SCYL3: variants seen among roughly 807,000 people sequenced by gnomAD.
SCYL3 encodes the protein protein-associating with the carboxyl-terminal domain of ezrin.
SCYL3 carries 35 observed loss-of-function variants against 73.8 expected under a neutral mutation model. The ratio of observed to expected loss-of-function variants is 0.47; its 90% CI spans 0.36 to 0.63. The LOEUF is 0.63. SCYL3 is among the 20% of genes least tolerant of loss of function. The pLI is 0.00. For missense variants in SCYL3, 712 were observed against 798.9 expected (o/e 0.89, Z 1.31); for synonymous variants, 277 against 295.2 (o/e 0.94, Z 0.63).
At chr1:169,858,960 T>C in intron 11 of SCYL3, 81 bp downstream of exon 11, 3 of 1,214,476 alleles carry the variant, frequency 2.5e-6, no homozygotes, top group South Asian at 1.4e-5. Context: ...TGACTGAATA[T>C]GACCCTCCTA....
chr1:169,864,299 T>C (rs1174631123), intron 9 of SCYL3, 70 bp downstream of exon 9: 6 of 1,587,322 alleles, frequency 3.8e-6, no homozygotes, highest in Non-Finnish European at 8.6e-7. Context: ...AGTAATCTCA[T>C]CCTGCTCAAA....
intron 11 of SCYL3, among the ~76,000 whole-genome samples, chr1:169,856,596 C>G (rs939843335): frequency 6.6e-6 from 1 of 152,168 alleles, no homozygotes; most frequent in Non-Finnish European, 1.5e-5. Context: ...CCCCCCTCCT[C>G]ACCCCAGCAC....
At chr1:169,882,084 T>C (rs917398340) in intron 2 of SCYL3, among the ~76,000 whole-genome samples, 8 of 152,156 alleles carry the variant, frequency 5.3e-5, no homozygotes, top group African/African-American at 1.4e-4. Flanking sequence ...CGGAGCCGGT[T>C]CCCTCAGCTT....
Position 169,878,664 on chromosome 1 carries a change from T to C in SCYL3, c.321A>G (p.Ile107Met), listed in dbSNP as rs1394240927. 4.3e-6 allele frequency: 7 copies of C among 1,613,478 alleles called. No individual in the cohort carries two copies. Among genetic ancestry groups the C allele is most frequent in the Non-Finnish European group, 4.2e-6 (5 of 1,179,832 alleles). Residue 107 changes from isoleucine (I) to methionine (M), a missense_variant, in exon 3 of 13, where the codon ATA becomes ATG. Physicochemically the swap from Ile to Met is conservative, Grantham distance 10. This residue lies in a region of SCYL3 where 342 missense variants were observed against 448.1 expected (regional missense o/e 0.76). Coordinates refer to ENST00000367771, the MANE Select transcript of SCYL3 (RefSeq NM_020423.7). Reference protein sequence around the residue: ...SAEVCAGIYDILLALIFLHDR... With the variant: ...SAEVCAGIYDMLLALIFLHDR... ...CATGAAGGAAGATAAGAGCCAGCAATATGTCATAGATCCCAGCACAGACCT... is the reference window on the plus strand; with the variant it reads ...CATGAAGGAAGATAAGAGCCAGCAACATGTCATAGATCCCAGCACAGACCT...
chr1:169,893,829 C>G lies in SCYL3; in HGVS notation c.-92G>C, dbSNP rs1042668671. On this transcript the variant is annotated 5_prime_UTR_variant, in exon 1 of 13. Coordinates refer to ENST00000367771, the MANE Select transcript of SCYL3 (RefSeq NM_020423.7). Reference sequence around the variant, plus strand: ...GGGGAGGAGGCCGAGGGTCTTGGCTCTGGTACCCTGTTGGCCCCCCTGTTG... The same window carrying G: ...GGGGAGGAGGCCGAGGGTCTTGGCTGTGGTACCCTGTTGGCCCCCCTGTTG... 1 of 153,558 alleles carries G rather than the reference C, an allele frequency of 6.5e-6. No homozygotes were observed. Among genetic ancestry groups the G allele is most frequent in the Admixed American group, 6.5e-5 (1 of 15,316 alleles). The allele number at this position is 153,558 out of a possible 1,614,324, so 9.5% of individuals were successfully genotyped here.
At chr1:169,882,394 C>G (rs1661344826) in intron 2 of SCYL3, among the ~76,000 whole-genome samples, 1 of 152,204 alleles carries the variant, frequency 6.6e-6, no homozygotes, top group African/African-American at 2.4e-5. Context: ...AGCCTCCCAC[C>G]CCTCCCTGGG....
rs754705317 is a variant in SCYL3, at chr1:169,855,947, CAT to C, written c.1313-985_1313-984del. ...GACTGTGATGGCTGCAGACGACACA[CAT>C]AGGAGAATCTGAAGGTAAATAAAAA... On this transcript the variant is annotated intron_variant, in intron 11 of 12. Coordinates refer to ENST00000367771, the MANE Select transcript of SCYL3 (RefSeq NM_020423.7). 2.6e-5 allele frequency: 42 copies of C among 1,610,826 alleles called. No individual in the cohort carries two copies. The South Asian group carries it at 4.1e-4, about 16-fold the overall frequency.
Position 169,893,770 on chromosome 1 carries a change from C to T in SCYL3, c.-51+18G>A, listed in dbSNP as rs569065251. The T allele has an allele frequency of 1.5e-3, 222 of 152,518 alleles. 1 individual carries two copies. Among genetic ancestry groups the T allele is most frequent in the Non-Finnish European group, 2.5e-3 (174 of 68,246 alleles). 9.4% of individuals were successfully genotyped at this position (152,518 alleles called of 1,614,324 possible). On this transcript the variant is annotated intron_variant, in intron 1 of 12. Transcript: ENST00000367771. ...AGTCCTGCAAGGACTGGGGGCGCAG[C>T]GCAGGGCTCCCTGTTACCTGCAGGA...
chr1:169,878,118 T>G (rs1439489257), intron 3 of SCYL3, among the ~76,000 whole-genome samples: 1 of 152,198 alleles, frequency 6.6e-6, no homozygotes, highest in Non-Finnish European at 1.5e-5. Context: ...CCAAGCACAC[T>G]GGTTACACCA....
chr1:169,868,567 C>A (rs1370535550), intron 7 of SCYL3, among the ~76,000 whole-genome samples: 4 of 152,166 alleles, frequency 2.6e-5, no homozygotes, highest in African/African-American at 9.7e-5. Flanking sequence ...AATATAATGG[C>A]AGCAGAAAAG....
chr1:169,859,407 T>C (rs1659451495), intron 10 of SCYL3, among the ~76,000 whole-genome samples, 195 bp from the exon 11 acceptor site: 1 of 152,188 alleles, frequency 6.6e-6, no homozygotes, highest in Non-Finnish European at 1.5e-5. Flanking sequence ...CATCACAGAC[T>C]TACCATTTTT....
At chr1:169,854,134 A>T in intron 12 of SCYL3, 136 bp downstream of exon 12, 1 of 681,172 alleles carries the variant, frequency 1.5e-6, no homozygotes, top group Non-Finnish European at 2.3e-6. Flanking sequence ...CAATGATAGA[A>T]ACTGATTTTG....
At chr1:169,892,738 C>T (rs983672576) in intron 1 of SCYL3, among the ~76,000 whole-genome samples, 1 of 152,190 alleles carries the variant, frequency 6.6e-6, no homozygotes, top group African/African-American at 2.4e-5. Context: ...CATAAAATTT[C>T]TGGACCGCTT....
rs762611603 is a variant in SCYL3, at chr1:169,859,061, T to G, written c.1292A>C (p.Asn431Thr). ...CTTACCTTCTAGAGAAAGGTCAGTA[T>G]TTTTAGTAAAACTTGGGGCAGTGCG... ...FKRTAPSFTK[N>T]TDLSLEGDPF... is the part of the protein sequence containing the mutation. The change falls in exon 11 of 13, where the codon AAT (asparagine) becomes ACT (threonine). Residue 431 changes from asparagine (N) to threonine (T), a missense_variant. Transcript: ENST00000367771. The G allele has an allele frequency of 1.2e-6, 2 of 1,613,536 alleles. No individual in the cohort carries two copies. Among genetic ancestry groups the G allele is most frequent in the African/African-American group, 1.3e-5 (1 of 75,010 alleles).
chr1:169,873,178 A>G (rs2102177434), intron 5 of SCYL3, among the ~76,000 whole-genome samples: 1 of 152,252 alleles, frequency 6.6e-6, no homozygotes, highest in Admixed American at 6.5e-5. Flanking sequence ...TTATGGAGGT[A>G]GATCTCTCCT....
chr1:169,850,126 G>T lies in SCYL3; in HGVS notation c.*3587C>A. On this transcript the variant is annotated 3_prime_UTR_variant, in exon 13 of 13. Coordinates refer to ENST00000367771, the MANE Select transcript of SCYL3 (RefSeq NM_020423.7). ...TCCTTAGGGACCCTGAAGGAATCAT[G>T]AGTTTATCACCTTTGAGGATCCTCT... The T allele has an allele frequency of 1.6e-6, 1 of 607,202 alleles. No homozygotes were observed. The highest frequency in any genetic ancestry group is 2.9e-6 in the Non-Finnish European group (1 of 342,518). 37.6% of individuals were successfully genotyped at this position (607,202 alleles called of 1,614,324 possible). A position where few individuals can be genotyped will look rare whatever the true frequency, so the allele number is the denominator to read the frequency against.
chr1:169,860,899 C>G (rs1361640822), intron 10 of SCYL3, among the ~76,000 whole-genome samples: 1 of 152,204 alleles, frequency 6.6e-6, no homozygotes, highest in African/African-American at 2.4e-5. Context: ...CCAAAGTGAA[C>G]TTTCTAGCAC....
chr1:169,884,379 C>A (rs1326716122), intron 2 of SCYL3, among the ~76,000 whole-genome samples: 1 of 152,160 alleles, frequency 6.6e-6, no homozygotes, highest in Admixed American at 6.5e-5. Flanking sequence ...CTCACTGCAA[C>A]CTTCGCCTCC....
chr1:169,881,682 C>G (rs1295918088), intron 2 of SCYL3, among the ~76,000 whole-genome samples: 1 of 152,188 alleles, frequency 6.6e-6, no homozygotes, highest in Non-Finnish European at 1.5e-5. Context: ...TGAGTGAGAT[C>G]TTGTGGTGTG....
Sources: gnomAD v4.1 joint callset for allele counts (sites outside exome capture counted in the v4.1 genomes callset) on GRCh38, gnomAD v4.1.1 for gene constraint, gnomAD v4.1.1 regional missense constraint, MANE v1.5 for transcripts, NCBI Gene and HGNC (gene_info 2026-07-23, HGNC 2026-07-21) for gene names.